HECW1: variants seen among roughly 807,000 people sequenced by gnomAD.
HECW1 encodes E3 ubiquitin-protein ligase HECW1.
A neutral mutation model predicts 182.3 loss-of-function variants in HECW1; 61 were observed. That is an observed-to-expected ratio of 0.33 (90% confidence interval 0.27 to 0.41). The LOEUF is 0.41. HECW1 is among the 10% of genes least tolerant of loss of function. HECW1 has a pLI of 1.00. For synonymous variants in HECW1, 859 were observed against 832.6 expected, an observed-to-expected ratio of 1.03 and a Z score of -0.55; for missense variants, 1,739 against 2,108.9, an observed-to-expected ratio of 0.82 and a Z score of 3.44.
intron 8 of HECW1, among the ~76,000 whole-genome samples, chr7:43,416,686 G>A (rs1456175688): frequency 2.7e-5 from 4 of 146,104 alleles, no homozygotes; most frequent in Admixed American, 1.4e-4. Context: ...GCGAGATTCC[G>A]TGGGCGTAGG....
chr7:43,518,885 A>T (rs933240547), intron 24 of HECW1, among the ~76,000 whole-genome samples: 2 of 152,156 alleles, frequency 1.3e-5, no homozygotes, highest in Non-Finnish European at 2.9e-5. Flanking sequence ...AAGTAAAAGG[A>T]TGCTTTCATG....
chr7:43,319,641 G>C (rs1255052556), intron 4 of HECW1, among the ~76,000 whole-genome samples: 2 of 109,718 alleles, frequency 1.8e-5, no homozygotes, highest in South Asian at 6.8e-4. Flanking sequence ...ACAGAGTCTC[G>C]CTATGTAAAC....
intron 6 of HECW1, among the ~76,000 whole-genome samples, chr7:43,388,705 C>T (rs2074899260): frequency 6.6e-6 from 1 of 152,172 alleles, no homozygotes; most frequent in African/African-American, 2.4e-5. Context: ...TCACTGAAAC[C>T]TCTGCCTCCT....
intron 3 of HECW1, chr7:43,248,670 CCCT>C (rs3032876): frequency 0.014 from 2,029 of 145,922 alleles, 74 homozygotes; most frequent in African/African-American, 0.052. Flanking sequence ...GCTTTACTCT[CCCT>C]CCTCCTCCTC....
At chr7:43,487,761 AGCCTAG>A (rs995358046) in intron 17 of HECW1, among the ~76,000 whole-genome samples, 1 of 151,958 alleles carries the variant, frequency 6.6e-6, no homozygotes, top group Non-Finnish European at 1.5e-5. Context: ...GTTCAAGACC[AGCCTAG>A]GCAACATAGC....
intron 2 of HECW1, among the ~76,000 whole-genome samples, chr7:43,138,445 G>T (rs1787802360): frequency 6.6e-6 from 1 of 152,166 alleles, no homozygotes; most frequent in African/African-American, 2.4e-5. Context: ...ACCACCGGGT[G>T]GTTTTCTTCT....
At position 43,479,632 on chromosome 7, in the gene HECW1, G is replaced by C. The variant is rs781413232; in HGVS notation, c.3122G>C (p.Ser1041Thr). 2 of 1,613,986 alleles carry C rather than the reference G, an allele frequency of 1.2e-6. No homozygotes were observed. The highest frequency in any genetic ancestry group is 2.7e-5 in the African/African-American group (2 of 74,890). The change falls in exon 17 of 30, where the codon AGT (serine) becomes ACT (threonine). Residue 1041 changes from serine to threonine, a missense_variant. Physicochemically the swap from Ser to Thr is moderately conservative, Grantham distance 58 (BLOSUM62 1). Coordinates refer to ENST00000395891, the MANE Select transcript of HECW1 (RefSeq NM_015052.5). ...QGKSFFVDHN[S>T]RATTFIDPRI... is the part of the protein sequence containing the mutation. ...CAGTCTTTTTTCGTGGACCACAACA[G>C]TCGAGCTACCACTTTCATTGACCCC...
At chr7:43,502,502 A>T (rs554410951) in intron 21 of HECW1, among the ~76,000 whole-genome samples, 210 of 152,124 alleles carry the variant, frequency 1.4e-3, no homozygotes, top group African/African-American at 3.3e-3. Flanking sequence ...ACCAAAAAAA[A>T]TTTTTTTTAA....
At chr7:43,499,491 GAAAGAAAACA>G (rs149234360) in intron 19 of HECW1, among the ~76,000 whole-genome samples, 3,305 of 150,296 alleles carry the variant, frequency 0.022, 98 homozygotes, top group East Asian at 0.14. Context: ...AAGAAAGAAA[GAAAGAAAACA>G]AAAGAAAAGA....
chr7:43,338,287 C>T (rs576984526), intron 5 of HECW1, among the ~76,000 whole-genome samples: 5 of 152,268 alleles, frequency 3.3e-5, no homozygotes, highest in African/African-American at 4.8e-5. Context: ...GGGACTGCAG[C>T]GTCAGTGCTG....
At chr7:43,414,897 G>A (rs1409284569) in intron 8 of HECW1, among the ~76,000 whole-genome samples, 2 of 152,028 alleles carry the variant, frequency 1.3e-5, no homozygotes, top group African/African-American at 4.8e-5. Context: ...TGTTCATCAA[G>A]GATATTGGTC....
chr7:43,210,992 G>A (rs894704919), intron 2 of HECW1, among the ~76,000 whole-genome samples: 3 of 152,214 alleles, frequency 2.0e-5, no homozygotes, highest in Non-Finnish European at 4.4e-5. Flanking sequence ...AGCCGATGCC[G>A]GCTGGAATGC....
At chr7:43,452,500 A>G (rs2077267113) in intron 12 of HECW1, among the ~76,000 whole-genome samples, 1 of 152,238 alleles carries the variant, frequency 6.6e-6, no homozygotes, top group Non-Finnish European at 1.5e-5. Context: ...CCAACTGAAT[A>G]TTGTTAAATA....
chr7:43,197,794 A>G (rs1013330549), intron 2 of HECW1, among the ~76,000 whole-genome samples: 5 of 152,050 alleles, frequency 3.3e-5, no homozygotes, highest in African/African-American at 1.2e-4. Flanking sequence ...ACAAAGGAAA[A>G]TGCGGGACAG....
intron 11 of HECW1, among the ~76,000 whole-genome samples, chr7:43,450,391 T>C (rs1189367032): frequency 6.6e-6 from 1 of 152,184 alleles, no homozygotes; most frequent in African/African-American, 2.4e-5. Flanking sequence ...ATGAAACCTA[T>C]CCAAGTGAGG....
intron 5 of HECW1, among the ~76,000 whole-genome samples, chr7:43,343,535 C>A (rs532325976): frequency 6.6e-6 from 1 of 151,542 alleles, no homozygotes; most frequent in Non-Finnish European, 1.5e-5. Context: ...TCTGTCCTTG[C>A]AATAGTTTGC....
chr7:43,545,333 T>G (rs1486559380), intron 26 of HECW1, among the ~76,000 whole-genome samples: 2 of 152,164 alleles, frequency 1.3e-5, no homozygotes, highest in South Asian at 4.1e-4. Context: ...TGCATAAAAT[T>G]AGAGGAAAAA....
chr7:43,152,007 G>C (rs975501340), intron 2 of HECW1, among the ~76,000 whole-genome samples: 1 of 152,010 alleles, frequency 6.6e-6, no homozygotes, highest in Non-Finnish European at 1.5e-5. Context: ...AAAAAAGATG[G>C]GAGAGATCAA....
At chr7:43,191,090 T>C (rs1793877153) in intron 2 of HECW1, among the ~76,000 whole-genome samples, 1 of 152,142 alleles carries the variant, frequency 6.6e-6, no homozygotes, top group South Asian at 2.1e-4. Flanking sequence ...TAAATCAATA[T>C]AAAATGCAAA....
Sources: gnomAD v4.1 joint callset for allele counts (sites outside exome capture counted in the v4.1 genomes callset) on GRCh38, gnomAD v4.1.1 for gene constraint, MANE v1.5 for transcripts, NCBI Gene and HGNC (gene_info 2026-07-23, HGNC 2026-07-21) for gene names.